Variants in AOPEP observed in about 807,000 individuals in gnomAD.
AOPEP encodes the protein aminopeptidase O (putative).
A neutral mutation model predicts 98.1 loss-of-function variants in AOPEP; 77 were observed. The observed-to-expected ratio is 0.78, with a 90% CI of 0.65 to 0.95. The LOEUF is 0.95. AOPEP is among the 40% of genes least tolerant of loss of function. AOPEP has a pLI of 0.00. For missense variants in AOPEP, 1,024 were observed against 1,024.7 expected, an observed-to-expected ratio of 1.00 and a Z score of 0.01; for synonymous variants, 346 against 365.3, an observed-to-expected ratio of 0.95 and a Z score of 0.60.
intron 5 of AOPEP, among the ~76,000 whole-genome samples, chr9:94,810,437 C>G (rs1413232076): frequency 6.6e-6 from 1 of 151,650 alleles, no homozygotes; most frequent in East Asian, 1.9e-4. Context: ...GCCTCAGCCT[C>G]CCGAGTAGAT....
At chr9:94,801,321 A>G (rs577048432) in intron 5 of AOPEP, among the ~76,000 whole-genome samples, 42 of 152,352 alleles carry the variant, frequency 2.8e-4, no homozygotes, top group African/African-American at 9.9e-4. Context: ...GTTAGCTTGG[A>G]TGATGACAGC....
intron 16 of AOPEP, among the ~76,000 whole-genome samples, chr9:95,083,860 G>A (rs1408951403): frequency 1.3e-5 from 2 of 152,160 alleles, no homozygotes; most frequent in African/African-American, 4.8e-5. Context: ...GGCTTCTATT[G>A]GAGTCCTAGA....
intron 7 of AOPEP, among the ~76,000 whole-genome samples, chr9:94,931,007 T>C (rs1191851803): frequency 6.6e-6 from 1 of 152,202 alleles, no homozygotes; most frequent in Non-Finnish European, 1.5e-5. Flanking sequence ...GTCATTTCCA[T>C]TACGTCTCTT....
At chr9:94,960,952 C>T (rs1323862224) in intron 9 of AOPEP, among the ~76,000 whole-genome samples, 1 of 148,466 alleles carries the variant, frequency 6.7e-6, no homozygotes, top group African/African-American at 2.5e-5. Flanking sequence ...GCGGAGCTTG[C>T]AGTGAGCCGA....
chr9:95,076,763 C>T (rs550349832), intron 14 of AOPEP, among the ~76,000 whole-genome samples: 1 of 152,228 alleles, frequency 6.6e-6, no homozygotes, highest in East Asian at 1.9e-4. Context: ...GAAGACCTTA[C>T]CGTATTTTGT....
chr9:95,089,015 G>A (rs996596255), downstream of AOPEP, among the ~76,000 whole-genome samples: 12 of 152,210 alleles, frequency 7.9e-5, no homozygotes, highest in African/African-American at 2.9e-4. Context: ...GGAGGAAGCC[G>A]GAGAGCAGCT....
chr9:94,816,097 C>T (rs1274412532), intron 5 of AOPEP, among the ~76,000 whole-genome samples: 1 of 152,056 alleles, frequency 6.6e-6, no homozygotes, highest in African/African-American at 2.4e-5. Context: ...TCCTTATTTC[C>T]CTTATTTTAT....
At chr9:95,026,323 C>T (rs1161398432) in intron 13 of AOPEP, among the ~76,000 whole-genome samples, 1 of 152,170 alleles carries the variant, frequency 6.6e-6, no homozygotes, top group Non-Finnish European at 1.5e-5. Flanking sequence ...CCAGAGAAAC[C>T]CCTGGCATCC....
At chr9:95,024,947 C>G (rs1307159432) in intron 13 of AOPEP, among the ~76,000 whole-genome samples, 1 of 150,764 alleles carries the variant, frequency 6.6e-6, no homozygotes, top group African/African-American at 2.4e-5. Flanking sequence ...AACTGTTTTA[C>G]TTTATTAGCT....
At chr9:94,862,481 G>A (rs2045156090) in intron 5 of AOPEP, among the ~76,000 whole-genome samples, 2 of 152,186 alleles carry the variant, frequency 1.3e-5, no homozygotes, top group Admixed American at 6.5e-5. Context: ...GAGGCCACAC[G>A]TCTGGTTGAC....
At chr9:94,845,176 C>G (rs2042708998) in intron 5 of AOPEP, among the ~76,000 whole-genome samples, 1 of 152,142 alleles carries the variant, frequency 6.6e-6, no homozygotes, top group Non-Finnish European at 1.5e-5. Context: ...AATAAGGAAC[C>G]CTGCTGGTTT....
chr9:95,004,584 C>A (rs1277498924), intron 11 of AOPEP, among the ~76,000 whole-genome samples: 1 of 152,160 alleles, frequency 6.6e-6, no homozygotes, highest in Non-Finnish European at 1.5e-5. Context: ...AGGTTTCCGA[C>A]TCCAGGAGCG....
chr9:94,765,542 C>T (rs1344579376), intron 2 of AOPEP, among the ~76,000 whole-genome samples: 1 of 150,468 alleles, frequency 6.6e-6, no homozygotes, highest in Non-Finnish European at 1.5e-5. Context: ...GTCGAGGCTG[C>T]AGTGGGTCAT....
intron 13 of AOPEP, among the ~76,000 whole-genome samples, chr9:95,059,583 G>T (rs964344662): frequency 6.6e-6 from 1 of 152,050 alleles, no homozygotes; most frequent in Non-Finnish European, 1.5e-5. Context: ...GTGCACACTT[G>T]GGGGCAGAAA....
chr9:94,942,183 G>C (rs2057081020), intron 7 of AOPEP, among the ~76,000 whole-genome samples: 1 of 152,148 alleles, frequency 6.6e-6, no homozygotes, highest in Non-Finnish European at 1.5e-5. Flanking sequence ...GATATCTTAT[G>C]CACTCAGCCA....
intron 11 of AOPEP, among the ~76,000 whole-genome samples, chr9:94,996,373 TG>T (rs2061238398): frequency 6.6e-6 from 1 of 151,124 alleles, no homozygotes; most frequent in African/African-American, 2.5e-5. Context: ...TGTGTGTGTG[TG>T]TGTGTGTGTG....
intron 2 of AOPEP, chr9:94,763,308 T>G (rs1838804536): frequency 4.4e-6 from 1 of 226,378 alleles, no homozygotes; most frequent in Non-Finnish European, 9.6e-6. Context: ...TAGACAAATA[T>G]AAGAAAATCT....
chr9:94,825,507 C>T (rs913869854), intron 5 of AOPEP, among the ~76,000 whole-genome samples: 6 of 152,230 alleles, frequency 3.9e-5, no homozygotes, highest in Admixed American at 6.5e-5. Context: ...TTGGTGAAGA[C>T]GCTCAGTCGT....
chr9:94,872,231 C>T (rs959211696), intron 5 of AOPEP, among the ~76,000 whole-genome samples: 6 of 152,092 alleles, frequency 3.9e-5, no homozygotes, highest in East Asian at 1.9e-4. Flanking sequence ...CGAACCATCA[C>T]GCACTCTGGC....
Sources: allele counts gnomAD v4.1 joint callset (sites outside exome capture counted in the v4.1 genomes callset), GRCh38; gene constraint gnomAD v4.1.1; transcripts MANE v1.5; gene names NCBI Gene and HGNC (gene_info 2026-07-23, HGNC 2026-07-21).